KIAA1217: variants seen among roughly 807,000 people sequenced by gnomAD.
KIAA1217 encodes the protein KIAA1217, also known as sickle tail protein homolog.
KIAA1217 carries 88 observed loss-of-function variants against 163.9 expected under a neutral mutation model. That is an observed-to-expected ratio of 0.54 (90% CI 0.45 to 0.64). KIAA1217 has a LOEUF of 0.64. Ranked by LOEUF, KIAA1217 falls within the 30% of genes least tolerant of loss-of-function variation. KIAA1217 has a pLI of 0.00. For missense variants in KIAA1217, 2,372 were observed against 2,475.0 expected, an observed-to-expected ratio of 0.96 and a Z score of 0.88; for synonymous variants, 903 against 923.1, an observed-to-expected ratio of 0.98 and a Z score of 0.39.
At chr10:24,190,076 T>C (rs2066643619) in intron 2 of KIAA1217, among the ~76,000 whole-genome samples, 1 of 150,036 alleles carries the variant, frequency 6.7e-6, no homozygotes, top group Admixed American at 6.7e-5. Context: ...TATGATCTAA[T>C]GATAATAAAC....
chr10:24,298,519 C>T (rs577344047), intron 2 of KIAA1217, among the ~76,000 whole-genome samples: 13 of 152,128 alleles, frequency 8.5e-5, no homozygotes, highest in South Asian at 4.2e-4. Context: ...AGTAGCGAGC[C>T]GGGCGCAGTG....
chr10:24,545,197 A>T (rs973927514), intron 20 of KIAA1217, 94 bp downstream of exon 20: 8 of 1,550,706 alleles, frequency 5.2e-6, no homozygotes, highest in Non-Finnish European at 4.4e-6. Flanking sequence ...TTTCTTTGTA[A>T]GATAACGGTT....
At chr10:23,804,503 T>C (rs1588854459) in intron 1 of KIAA1217, among the ~76,000 whole-genome samples, 2 of 152,324 alleles carry the variant, frequency 1.3e-5, no homozygotes, top group East Asian at 3.9e-4. Flanking sequence ...TGAATAAATG[T>C]TGGACTTTCA....
At chr10:24,128,152 A>C (rs1378775315) in intron 2 of KIAA1217, among the ~76,000 whole-genome samples, 4 of 152,166 alleles carry the variant, frequency 2.6e-5, no homozygotes, top group Non-Finnish European at 5.9e-5. Context: ...GGAGACGCTG[A>C]ATCTTTTTAT....
At position 24,528,067 on chromosome 10, in the gene KIAA1217, C is replaced by T. The variant is rs751266859; in HGVS notation, c.3030C>T (p.Ala1010=). 4 of 1,614,150 alleles carry T rather than the reference C, an allele frequency of 2.5e-6. No individual in the cohort carries two copies. Among genetic ancestry groups the T allele is most frequent in the Non-Finnish European group, 3.4e-6 (4 of 1,180,002 alleles). The change falls in exon 14 of 21, where the codon GCC becomes GCT. Residue 1010 remains alanine (A), a synonymous_variant. Transcript: ENST00000376454. The part of the protein sequence containing the change: ...KSIPNLEMPP[A]TGPLPRGDAP... ...TACCAAATCTGGAGATGCCGCCAGC[C>T]ACAGGCCCACTGCCAAGGGGAGATG...
chr10:23,709,233 A>G (rs1182873586), intron 1 of KIAA1217, among the ~76,000 whole-genome samples: 1 of 152,164 alleles, frequency 6.6e-6, no homozygotes, highest in Admixed American at 6.6e-5. Flanking sequence ...CCAAGAAATA[A>G]AAACTTTCAG....
chr10:24,243,427 T>C lies in KIAA1217; in HGVS notation c.354+23518T>C, dbSNP rs554452909. On this transcript the variant is annotated intron_variant, in intron 2 of 20. Coordinates refer to ENST00000376454, the MANE Select transcript of KIAA1217 (RefSeq NM_019590.5). ...ACCCTCACCCCCTTCCCACCCTCCC[T>C]CCTTTTGCAGTCCCCAGGGTCCATT... is the stretch of plus-strand genomic sequence containing the variant. 4.4e-4 allele frequency among the ~76,000 whole-genome samples: 62 copies of C among 141,980 alleles called. No individual in the cohort carries two copies. The East Asian group carries it at 0.014, about 32-fold the overall frequency. 93.1% of individuals were successfully genotyped at this position (141,980 alleles called of 152,430 possible). A position where few individuals can be genotyped will look rare whatever the true frequency, so the allele number is the denominator to read the frequency against.
intron 1 of KIAA1217, among the ~76,000 whole-genome samples, chr10:23,949,499 C>T (rs1462149708): frequency 6.6e-6 from 1 of 152,062 alleles, no homozygotes; most frequent in East Asian, 1.9e-4. Flanking sequence ...TACAGAATAA[C>T]ATTACAAATG....
chr10:23,781,780 C>T (rs954005730), intron 1 of KIAA1217, among the ~76,000 whole-genome samples: 3 of 152,056 alleles, frequency 2.0e-5, no homozygotes, highest in African/African-American at 4.8e-5. Context: ...GTCATTCTTT[C>T]GTATATAGAT....
At chr10:23,978,861 C>T (rs919578986) in intron 1 of KIAA1217, among the ~76,000 whole-genome samples, 102 of 152,102 alleles carry the variant, frequency 6.7e-4, no homozygotes, top group African/African-American at 2.3e-3. Context: ...CCTATGAGGC[C>T]ACTGAGCTAA....
chr10:24,168,382 T>G (rs2065457599), intron 2 of KIAA1217, among the ~76,000 whole-genome samples: 1 of 152,176 alleles, frequency 6.6e-6, no homozygotes, highest in African/African-American at 2.4e-5. Flanking sequence ...AGAAAACAGA[T>G]GAACTGGGAT....
At chr10:24,441,986 T>TATG (rs2132064411) in intron 5 of KIAA1217, among the ~76,000 whole-genome samples, 1 of 152,338 alleles carries the variant, frequency 6.6e-6, no homozygotes, top group Admixed American at 6.5e-5. Flanking sequence ...CTTCTCCACC[T>TATG]TCTTGTGTGC....
At chr10:24,004,549 A>G (rs971032497) in intron 1 of KIAA1217, among the ~76,000 whole-genome samples, 1 of 152,194 alleles carries the variant, frequency 6.6e-6, no homozygotes, top group Non-Finnish European at 1.5e-5. Flanking sequence ...TCCAGATTAG[A>G]TTCTAGAGAA....
At chr10:24,186,843 C>T (rs564347253) in intron 2 of KIAA1217, among the ~76,000 whole-genome samples, 4 of 152,190 alleles carry the variant, frequency 2.6e-5, no homozygotes, top group Non-Finnish European at 4.4e-5. Context: ...TGGGCCAAGA[C>T]GGTGGCACTG....
intron 2 of KIAA1217, among the ~76,000 whole-genome samples, chr10:24,031,114 A>G (rs1848169763): frequency 6.6e-6 from 1 of 152,176 alleles, no homozygotes; most frequent in Non-Finnish European, 1.5e-5. Flanking sequence ...TGCATTTTCC[A>G]CAGCGACTAT....
intron 1 of KIAA1217, among the ~76,000 whole-genome samples, chr10:23,950,627 A>G (rs1056263089): frequency 2.6e-5 from 4 of 152,108 alleles, no homozygotes; most frequent in Non-Finnish European, 5.9e-5. Context: ...ATGAATTTCA[A>G]GTTGGAGATG....
chr10:24,155,369 G>A (rs2064826980), intron 2 of KIAA1217, among the ~76,000 whole-genome samples: 1 of 152,116 alleles, frequency 6.6e-6, no homozygotes, highest in Non-Finnish European at 1.5e-5. Context: ...GAAATGACAA[G>A]TACTTAGAGA....
intron 1 of KIAA1217, among the ~76,000 whole-genome samples, chr10:24,001,076 A>G (rs1191722987): frequency 6.6e-6 from 1 of 151,522 alleles, no homozygotes; most frequent in East Asian, 1.9e-4. Flanking sequence ...GTAAACACAC[A>G]CACACACACA....
At chr10:23,917,338 T>C (rs76856771) in intron 1 of KIAA1217, among the ~76,000 whole-genome samples, 6,096 of 152,224 alleles carry the variant, frequency 0.04, 178 homozygotes, top group African/African-American at 0.08. Context: ...TCCAGAGAGC[T>C]TCTAGGGCAG....
Sources: allele counts gnomAD v4.1 joint callset (sites outside exome capture counted in the v4.1 genomes callset), GRCh38; gene constraint gnomAD v4.1.1; transcripts MANE v1.5; gene names NCBI Gene and HGNC (gene_info 2026-07-23, HGNC 2026-07-21).